CCNY: variants seen among roughly 807,000 people sequenced by gnomAD.
CCNY encodes cyclin-Y.
In CCNY, 19 loss-of-function variants were observed where a neutral mutation model predicts 42.8. That is an observed-to-expected ratio of 0.44 (90% confidence interval 0.31 to 0.65). The LOEUF (loss-of-function observed/expected upper bound fraction) is 0.65. CCNY is among the 30% of genes least tolerant of loss of function. The pLI is 0.07. For missense variants in CCNY, 370 were observed against 437.3 expected (o/e 0.85, Z 1.37); for synonymous variants, 165 against 162.7 (o/e 1.01, Z -0.11).
At chr10:35,377,820 A>C (rs1054664804) in intron 1 of CCNY, among the ~76,000 whole-genome samples, 4 of 150,684 alleles carry the variant, frequency 2.7e-5, no homozygotes, top group Admixed American at 6.6e-5. Flanking sequence ...AAGTAAGAAG[A>C]GTAGCATTAC....
chr10:35,441,789 A>G (rs1838675360), intron 1 of CCNY, among the ~76,000 whole-genome samples: 1 of 152,204 alleles, frequency 6.6e-6, no homozygotes, highest in African/African-American at 2.4e-5. Context: ...CATAAACTTG[A>G]TAAGAGTTCA....
At chr10:35,391,327 G>A (rs186515431) in intron 1 of CCNY, among the ~76,000 whole-genome samples, 26 of 152,262 alleles carry the variant, frequency 1.7e-4, no homozygotes, top group South Asian at 6.2e-4. Context: ...GCAGAGTGGC[G>A]GGGTGAGTAG....
chr10:35,565,993 G>A, intron 8 of CCNY, 30 bp from the exon 9 acceptor site: 1 of 1,600,142 alleles, frequency 6.2e-7, no homozygotes, highest in Non-Finnish European at 8.5e-7. Flanking sequence ...TGGCAGCTAA[G>A]CATAGGCTAT....
chr10:35,268,449 G>C (rs761621867), intron 3 of CCNY, among the ~76,000 whole-genome samples: 1 of 152,136 alleles, frequency 6.6e-6, no homozygotes, highest in African/African-American at 2.4e-5. Flanking sequence ...CCCTGCCCCC[G>C]TGGTTTTGCT....
chr10:35,502,899 C>T (rs942622385), intron 3 of CCNY, among the ~76,000 whole-genome samples: 1 of 152,140 alleles, frequency 6.6e-6, no homozygotes, highest in Admixed American at 6.5e-5. Context: ...TGCCAAGGAG[C>T]TTGCAAGGGA....
chr10:35,373,283 C>G (rs1836978334), intron 1 of CCNY, among the ~76,000 whole-genome samples: 1 of 152,106 alleles, frequency 6.6e-6, no homozygotes. Flanking sequence ...ATAAATGAGA[C>G]AAAGCCTGTA....
Position 35,447,049 on chromosome 10 carries a change from G to A in CCNY, c.155-36355G>A, listed in dbSNP as rs181730206. Among the ~76,000 whole-genome samples the A allele has an allele frequency of 3.4e-4, 52 of 152,290 alleles. No homozygotes were observed. In the East Asian group the frequency reaches 6.8e-3, roughly 20 times the overall value. ...TCCCAGTACTTTGGGAGGCTGAGGCGGGTGGATCATGAGGTCAGGAGATCG... is the reference window on the plus strand; with the variant it reads ...TCCCAGTACTTTGGGAGGCTGAGGCAGGTGGATCATGAGGTCAGGAGATCG... On this transcript the variant is annotated intron_variant, in intron 1 of 9. Coordinates refer to ENST00000374704, the MANE Select transcript of CCNY (RefSeq NM_145012.6).
At chr10:35,534,692 A>C (rs1016340439) in intron 7 of CCNY, among the ~76,000 whole-genome samples, 5 of 152,004 alleles carry the variant, frequency 3.3e-5, no homozygotes, top group Admixed American at 2.0e-4. Flanking sequence ...CTAATTTCAG[A>C]ATATTCCCTT....
At chr10:35,255,969 T>A (rs1329104313) in intron 3 of CCNY, among the ~76,000 whole-genome samples, 1 of 152,226 alleles carries the variant, frequency 6.6e-6, no homozygotes, top group East Asian at 1.9e-4. Flanking sequence ...CAATTGTAAC[T>A]TTAAAAAATT....
rs189980988 is a variant in CCNY, at chr10:35,571,138, A to G, written c.*1968A>G. 6.6e-6 allele frequency: 1 copy of G among 152,196 alleles called. No homozygotes were observed. The highest frequency in any genetic ancestry group is 1.5e-5 in the Non-Finnish European group (1 of 68,032). 9.4% of individuals were successfully genotyped at this position (152,196 alleles called of 1,614,324 possible). A position where few individuals can be genotyped will look rare whatever the true frequency, so the allele number is the denominator to read the frequency against. ...GAATATGAATACCTCTTAAACATAA[A>G]TTAGTTCCTCTCCAGTGAAGTATCT... On this transcript the variant is annotated 3_prime_UTR_variant, in exon 10 of 10. Coordinates refer to ENST00000374704, the MANE Select transcript of CCNY (RefSeq NM_145012.6).
intron 1 of CCNY, among the ~76,000 whole-genome samples, chr10:35,398,658 G>T (rs924794383): frequency 6.6e-6 from 1 of 152,144 alleles, no homozygotes; most frequent in East Asian, 1.9e-4. Context: ...ACTGCTCTTG[G>T]TGGGGCTCTC....
At chr10:35,446,365 C>T (rs1022035331) in intron 1 of CCNY, among the ~76,000 whole-genome samples, 8 of 152,210 alleles carry the variant, frequency 5.3e-5, no homozygotes, top group Admixed American at 3.9e-4. Flanking sequence ...GATGAAGATA[C>T]TGGACACACA....
At chr10:35,419,139 TG>T (rs2135260239) in intron 1 of CCNY, among the ~76,000 whole-genome samples, 1 of 152,322 alleles carries the variant, frequency 6.6e-6, no homozygotes, top group Non-Finnish European at 1.5e-5. Flanking sequence ...TATGTCCTAT[TG>T]TCCTTATGAA....
At chr10:35,429,409 A>G (rs527779248) in intron 1 of CCNY, among the ~76,000 whole-genome samples, 2 of 152,340 alleles carry the variant, frequency 1.3e-5, no homozygotes, top group East Asian at 1.9e-4. Flanking sequence ...TTAATTTCCA[A>G]TTTCATAAAT....
Position 35,570,306 on chromosome 10 carries a change from A to G in CCNY, c.*1136A>G, listed in dbSNP as rs941324845. On this transcript the variant is annotated 3_prime_UTR_variant, in exon 10 of 10. Coordinates refer to ENST00000374704, the MANE Select transcript of CCNY (RefSeq NM_145012.6). ...GAAAAATGTTACTATTTACTGAGGT[A>G]TTTTTCACAGAATGATTGAATTAAA... The G allele has an allele frequency of 6.6e-6, 1 of 152,320 alleles. No homozygotes were observed. Among genetic ancestry groups the G allele is most frequent in the Non-Finnish European group, 1.5e-5 (1 of 68,032 alleles). 9.4% of individuals were successfully genotyped at this position (152,320 alleles called of 1,614,324 possible).
intron 3 of CCNY, among the ~76,000 whole-genome samples, chr10:35,270,808 C>T (rs1464279228): frequency 6.8e-6 from 1 of 147,282 alleles, no homozygotes; most frequent in Non-Finnish European, 1.5e-5. Flanking sequence ...TCACTGCAAG[C>T]TCTGCCTCCC....
chr10:35,430,037 CA>C (rs951123934), intron 1 of CCNY, among the ~76,000 whole-genome samples: 1 of 150,734 alleles, frequency 6.6e-6, no homozygotes, highest in African/African-American at 2.4e-5. Flanking sequence ...TTCATCATTA[CA>C]AAAAAAAAGT....
At chr10:35,325,345 A>AT (rs1445588312) in intron 3 of CCNY, among the ~76,000 whole-genome samples, 9 of 151,860 alleles carry the variant, frequency 5.9e-5, no homozygotes, top group Non-Finnish European at 8.8e-5. Context: ...CACCTGGCTA[A>AT]TTTTTTTATT....
At chr10:35,484,987 A>G (rs1256330056) in intron 2 of CCNY, among the ~76,000 whole-genome samples, 11 of 152,334 alleles carry the variant, frequency 7.2e-5, no homozygotes, top group African/African-American at 2.6e-4. Context: ...TCACCTTTGC[A>G]CTAGATATCA....
Sources: allele counts gnomAD v4.1 joint callset (sites outside exome capture counted in the v4.1 genomes callset), GRCh38; gene constraint gnomAD v4.1.1; transcripts MANE v1.5; gene names NCBI Gene and HGNC (gene_info 2026-07-23, HGNC 2026-07-21).